The following DGKI variants were observed in gnomAD, a reference collection of about 807,000 sequenced individuals.
DGKI encodes the protein diacylglycerol kinase iota.
A neutral mutation model predicts 147.5 loss-of-function variants in DGKI; 55 were observed. The observed-to-expected ratio is 0.37, with a 90% confidence interval of 0.30 to 0.47. The LOEUF (loss-of-function observed/expected upper bound fraction) is 0.47, where lower values mean the gene tolerates loss of function less well. Ranked by LOEUF, DGKI falls within the 20% of genes least tolerant of loss-of-function variation. The pLI, the probability that DGKI is intolerant of heterozygous loss-of-function variation, is 1.00. For missense variants in DGKI, 1,007 were observed against 1,323.8 expected (o/e 0.76, Z 3.71); for synonymous variants, 469 against 477.1 (o/e 0.98, Z 0.22).
intron 21 of DGKI, among the ~76,000 whole-genome samples, chr7:137,500,400 T>C (rs1360930627): frequency 6.6e-6 from 1 of 152,202 alleles, no homozygotes; most frequent in Non-Finnish European, 1.5e-5. Context: ...TTGTCTTCTA[T>C]ACTTGAAGTT....
intron 1 of DGKI, among the ~76,000 whole-genome samples, chr7:137,810,950 T>C (rs535554507): frequency 6.6e-6 from 1 of 152,312 alleles, no homozygotes; most frequent in East Asian, 1.9e-4. Context: ...ACTGGCTCTA[T>C]CTTATGTAGT....
chr7:137,840,943 T>C (rs1349851837), intron 1 of DGKI, among the ~76,000 whole-genome samples: 1 of 152,254 alleles, frequency 6.6e-6, no homozygotes, highest in Admixed American at 6.5e-5. Flanking sequence ...ACAAGTTAAC[T>C]CTATGTAGGG....
intron 12 of DGKI, among the ~76,000 whole-genome samples, chr7:137,596,580 G>A (rs940632372): frequency 2.6e-5 from 4 of 152,090 alleles, no homozygotes; most frequent in East Asian, 1.9e-4. Context: ...TTTGAAAAAC[G>A]TTGGGTTTAA....
At chr7:137,835,220 C>T (rs1401845771) in intron 1 of DGKI, among the ~76,000 whole-genome samples, 3 of 152,172 alleles carry the variant, frequency 2.0e-5, no homozygotes, top group African/African-American at 4.8e-5. Context: ...AGCCTCAAAA[C>T]GTACCTGTTT....
intron 23 of DGKI, among the ~76,000 whole-genome samples, chr7:137,475,985 G>C (rs1815157129): frequency 6.6e-6 from 1 of 152,066 alleles, no homozygotes. Flanking sequence ...ATTTAAGAAA[G>C]CCCTTTCCTT....
chr7:137,753,004 T>C lies in DGKI; in HGVS notation c.402-63002A>G, dbSNP rs1313023632. Among the ~76,000 whole-genome samples, 3 of 151,638 alleles carry C rather than the reference T, an allele frequency of 2.0e-5. No individual in the cohort carries two copies. In the East Asian group the frequency reaches 5.8e-4, roughly 29 times the overall value. On this transcript the variant is annotated intron_variant, in intron 1 of 32. Coordinates refer to ENST00000614521, the MANE Select transcript of DGKI (RefSeq NM_001321708.2). The stretch of plus-strand genomic sequence containing the variant: ...AGACAGCCAGTATCACTCACAAACA[T>C]ACACGTGTTACTAGTGCATGCTAGT...
At chr7:137,497,677 G>A (rs567053317) in intron 21 of DGKI, among the ~76,000 whole-genome samples, 6 of 152,016 alleles carry the variant, frequency 3.9e-5, no homozygotes, top group Non-Finnish European at 4.4e-5. Flanking sequence ...TACCCTCAGC[G>A]AACTAATTCA....
chr7:137,610,470 G>A (rs541988397), intron 8 of DGKI, among the ~76,000 whole-genome samples: 1 of 152,112 alleles, frequency 6.6e-6, no homozygotes, highest in African/African-American at 2.4e-5. Context: ...CTGTCATAGG[G>A]ATCAGTCACA....
At chr7:137,628,602 C>T (rs78948129) in intron 6 of DGKI, among the ~76,000 whole-genome samples, 2,370 of 152,202 alleles carry the variant, frequency 0.016, 62 homozygotes, top group African/African-American at 0.054. Context: ...GAAGTTCAAC[C>T]GACTCTGTGA....
intron 6 of DGKI, among the ~76,000 whole-genome samples, chr7:137,636,703 G>T (rs532399446): frequency 6.6e-6 from 1 of 152,352 alleles, no homozygotes; most frequent in Non-Finnish European, 1.5e-5. Flanking sequence ...TTGATCCCCA[G>T]TGTTGGAAGT....
intron 1 of DGKI, among the ~76,000 whole-genome samples, chr7:137,712,270 ATTTGT>A (rs1794239630): frequency 1.3e-5 from 2 of 152,134 alleles, no homozygotes; most frequent in Non-Finnish European, 2.9e-5. Flanking sequence ...ATACTCAGAT[ATTTGT>A]TGGGTTATTA....
At chr7:137,736,045 A>G (rs1313901818) in intron 1 of DGKI, among the ~76,000 whole-genome samples, 2 of 152,048 alleles carry the variant, frequency 1.3e-5, no homozygotes, top group Admixed American at 6.6e-5. Flanking sequence ...CAGATCACAC[A>G]TGTTGTGTAG....
intron 2 of DGKI, among the ~76,000 whole-genome samples, chr7:137,685,947 C>T (rs183662480): frequency 2.1e-4 from 32 of 152,220 alleles, no homozygotes; most frequent in African/African-American, 5.5e-4. Context: ...CAACTCCCAG[C>T]GAAATATCCC....
chr7:137,626,181 G>C (rs900785489), intron 6 of DGKI, among the ~76,000 whole-genome samples: 1 of 152,106 alleles, frequency 6.6e-6, no homozygotes, highest in African/African-American at 2.4e-5. Flanking sequence ...ACTGAGTCCT[G>C]TGTGTCCTCC....
intron 28 of DGKI, among the ~76,000 whole-genome samples, chr7:137,417,675 C>T (rs192863014): frequency 3.4e-3 from 514 of 152,178 alleles, no homozygotes; most frequent in Non-Finnish European, 5.9e-3. Context: ...AAACTTAATC[C>T]CCAGTGTGGT....
At chr7:137,601,677 C>T (rs1038165719) in intron 10 of DGKI, among the ~76,000 whole-genome samples, 5 of 152,152 alleles carry the variant, frequency 3.3e-5, no homozygotes, top group African/African-American at 4.8e-5. Flanking sequence ...GCACAGTATG[C>T]GGCACAAAAC....
chr7:137,725,023 A>G (rs921074841), intron 1 of DGKI, among the ~76,000 whole-genome samples: 3 of 152,136 alleles, frequency 2.0e-5, no homozygotes, highest in Admixed American at 6.5e-5. Flanking sequence ...AGAGGAGAAA[A>G]GGGCAAAGCT....
At chr7:137,427,271 G>A (rs1812855834) in intron 28 of DGKI, among the ~76,000 whole-genome samples, 1 of 152,148 alleles carries the variant, frequency 6.6e-6, no homozygotes, top group Non-Finnish European at 1.5e-5. Flanking sequence ...CAACTACATG[G>A]AAACTGAACA....
At chr7:137,408,709 CT>C (rs1272537109) in intron 29 of DGKI, among the ~76,000 whole-genome samples, 1 of 151,158 alleles carries the variant, frequency 6.6e-6, no homozygotes, top group Non-Finnish European at 1.5e-5. Flanking sequence ...TGAGAGAAGA[CT>C]GGAAAAAAAA....
Sources: allele counts gnomAD v4.1 joint callset (sites outside exome capture counted in the v4.1 genomes callset), GRCh38; gene constraint gnomAD v4.1.1; transcripts MANE v1.5; gene names NCBI Gene and HGNC (gene_info 2026-07-23, HGNC 2026-07-21).